The following BRD4 variants were observed in gnomAD, a reference collection of about 807,000 sequenced individuals.
BRD4 encodes bromodomain containing 4, also known as bromodomain-containing protein 4.
In BRD4, 16 loss-of-function variants were observed where a neutral mutation model predicts 142.1. The ratio of observed to expected loss-of-function variants is 0.11; its 90% confidence interval spans 0.08 to 0.17. BRD4 has a LOEUF of 0.17. Ranked by LOEUF, BRD4 falls within the 10% of genes least tolerant of loss-of-function variation. BRD4 has a pLI of 1.00. For missense variants in BRD4, 1,424 were observed against 1,810.9 expected (o/e 0.79, Z 3.88); for synonymous variants, 833 against 707.5 (o/e 1.18, Z -2.82).
Position 15,284,280 on chromosome 19 carries a change from C to T in BRD4, c.-34-11147G>A, listed in dbSNP as rs1182879825. Among the ~76,000 whole-genome samples, 7 of 152,230 alleles carry T rather than the reference C, an allele frequency of 4.6e-5. No homozygotes were observed. The East Asian group carries it at 9.7e-4, about 21-fold the overall frequency. ...AATCTATGGGGATCAGGAGGAGGAA[C>T]GGCATCACTTTTCTTGAAGAAAAGG... On this transcript the variant is annotated intron_variant, in intron 1 of 19. Transcript: ENST00000679869.
intron 1 of BRD4, among the ~76,000 whole-genome samples, chr19:15,325,051 AC>A (rs1044209827): frequency 2.0e-5 from 3 of 151,900 alleles, no homozygotes; most frequent in Non-Finnish European, 2.9e-5. Flanking sequence ...CTCTACTCTG[AC>A]CCCTGGCTTC....
chr19:15,287,692 C>G (rs1466749933), intron 1 of BRD4, among the ~76,000 whole-genome samples: 2 of 152,152 alleles, frequency 1.3e-5, no homozygotes, highest in Non-Finnish European at 2.9e-5. Flanking sequence ...AGTGAAACCA[C>G]AAAGTATTTG....
chr19:15,244,753 G>A lies in BRD4; in HGVS notation c.2168C>T (p.Pro723Leu), dbSNP rs777966382. Residue 723 changes from proline to leucine, a missense_variant, in exon 12 of 20, where the codon CCG (proline) becomes CTG (leucine). Pro to Leu is a moderately conservative substitution (Grantham distance 98, BLOSUM62 -3). Coordinates refer to ENST00000679869, the MANE Select transcript of BRD4 (RefSeq NM_001379291.1). ...GGGGTGCCCCTTCTTTTTTGACTTC[G>A]GAGCCATCTCTGCAGAGGAAAAGAG... ...DSEDSETEMA[P>L]KSKKKGHPGR... is the part of the protein sequence containing the mutation. 7 of 1,613,918 alleles carry A rather than the reference G, an allele frequency of 4.3e-6. No individual in the cohort carries two copies. Among genetic ancestry groups the A allele is most frequent in the South Asian group, 1.1e-5 (1 of 91,078 alleles).
chr19:15,263,047 A>G (rs979463640), intron 7 of BRD4, among the ~76,000 whole-genome samples: 2 of 152,158 alleles, frequency 1.3e-5, no homozygotes, highest in African/African-American at 2.4e-5. Context: ...GGATGTCCAC[A>G]GTGCAGATGT....
intron 1 of BRD4, among the ~76,000 whole-genome samples, chr19:15,312,645 C>T (rs527695068): frequency 1.3e-5 from 2 of 151,424 alleles, no homozygotes; most frequent in African/African-American, 4.9e-5. Flanking sequence ...CAAACAACAA[C>T]CAAAAACAGG....
chr19:15,246,976 T>TTGAG, intron 11 of BRD4: 1 of 179,650 alleles, frequency 5.6e-6, no homozygotes, highest in Middle Eastern at 2.1e-3. Flanking sequence ...AGACAGGAAG[T>TTGAG]GCACAGCTTC....
At chr19:15,300,257 A>AT (rs1272173167) in intron 1 of BRD4, among the ~76,000 whole-genome samples, 1 of 152,084 alleles carries the variant, frequency 6.6e-6, no homozygotes, top group African/African-American at 2.4e-5. Flanking sequence ...AAATAAATAA[A>AT]AACAAATAAA....
At chr19:15,329,277 T>C (rs1204493249) in intron 1 of BRD4, among the ~76,000 whole-genome samples, 6 of 152,148 alleles carry the variant, frequency 3.9e-5, no homozygotes, top group African/African-American at 1.4e-4. Context: ...TTTTACAGAT[T>C]TGCCAGGAAC....
At chr19:15,313,199 GTC>G (rs2047987750) in intron 1 of BRD4, among the ~76,000 whole-genome samples, 1 of 149,132 alleles carries the variant, frequency 6.7e-6, no homozygotes, top group Non-Finnish European at 1.5e-5. Context: ...GTGAAACCCC[GTC>G]TCTCTACTCA....
Position 15,238,638 on chromosome 19 carries a change from G to T in BRD4, c.4020+105C>A. ...GGACCACATGCCGACCAGCAGGGACGGGGCTCCCCCGCTGCCCCTCCCTGT... is the reference window on the plus strand; with the variant it reads ...GGACCACATGCCGACCAGCAGGGACTGGGCTCCCCCGCTGCCCCTCCCTGT... On this transcript the variant is annotated intron_variant, in intron 19 of 19. Coordinates refer to ENST00000679869, the MANE Select transcript of BRD4 (RefSeq NM_001379291.1). The surrounding 1 kb of genome is among the most constrained non-coding windows in gnomAD (Gnocchi z 7.2). 1 of 1,457,490 alleles carries T rather than the reference G, an allele frequency of 6.9e-7. No homozygotes were observed. The highest frequency in any genetic ancestry group is 1.4e-5 in the South Asian group (1 of 68,978). The allele number at this position is 1,457,490 out of a possible 1,614,324, so 90.3% of individuals were successfully genotyped here.
At chr19:15,265,836 G>C (rs557088486) in intron 4 of BRD4, among the ~76,000 whole-genome samples, 193 bp from the exon 5 acceptor site, 1 of 152,222 alleles carries the variant, frequency 6.6e-6, no homozygotes, top group East Asian at 1.9e-4. Context: ...GCAGAAAACC[G>C]CACTTCCCAT....
chr19:15,251,991 C>G (rs1370828744), intron 11 of BRD4, among the ~76,000 whole-genome samples: 1 of 152,246 alleles, frequency 6.6e-6, no homozygotes, highest in Non-Finnish European at 1.5e-5. Flanking sequence ...CTGTAAATCT[C>G]GCCCTCCTTC....
chr19:15,313,373 T>TAAAAAAA (rs33991091), intron 1 of BRD4, among the ~76,000 whole-genome samples: 2 of 99,988 alleles, frequency 2.0e-5, no homozygotes, highest in Admixed American at 2.2e-4. Context: ...ACTCCATCTT[T>TAAAAAAA]AAAAAAAAAA....
intron 4 of BRD4, among the ~76,000 whole-genome samples, chr19:15,267,037 T>G (rs1041405631): frequency 1.3e-5 from 2 of 152,154 alleles, no homozygotes; most frequent in Non-Finnish European, 2.9e-5. Flanking sequence ...AGTTTAGAAC[T>G]GAGATGTTAG....
At chr19:15,328,188 G>C (rs1422997844) in intron 1 of BRD4, among the ~76,000 whole-genome samples, 1 of 151,998 alleles carries the variant, frequency 6.6e-6, no homozygotes, top group Non-Finnish European at 1.5e-5. Flanking sequence ...GTCTTTCCTT[G>C]TACATAGTAA....
At chr19:15,281,201 C>G (rs1599484894) in intron 1 of BRD4, among the ~76,000 whole-genome samples, 1 of 152,266 alleles carries the variant, frequency 6.6e-6, no homozygotes, top group Admixed American at 6.5e-5. Context: ...TCCTCCTTCA[C>G]GCAGTGTGTA....
chr19:15,286,255 C>T (rs1490490377), intron 1 of BRD4, among the ~76,000 whole-genome samples: 5 of 152,194 alleles, frequency 3.3e-5, no homozygotes, highest in African/African-American at 9.7e-5. Context: ...TCCCCTGCAC[C>T]GGCCTAACAT....
At chr19:15,252,324 G>A (rs1046853624) in intron 11 of BRD4, among the ~76,000 whole-genome samples, 6 of 152,298 alleles carry the variant, frequency 3.9e-5, no homozygotes, top group African/African-American at 1.4e-4. Context: ...TAGTTAATCA[G>A]GTCCCCTGAC....
chr19:15,318,304 G>A (rs1372911603), intron 1 of BRD4, among the ~76,000 whole-genome samples: 1 of 152,160 alleles, frequency 6.6e-6, no homozygotes, highest in Non-Finnish European at 1.5e-5. Flanking sequence ...GGGGGGTGAA[G>A]GAGTCTGTAA....
Sources: gnomAD v4.1 joint callset for allele counts (sites outside exome capture counted in the v4.1 genomes callset) on GRCh38, gnomAD v4.1.1 for gene constraint, Gnocchi (gnomAD v3.1) non-coding constraint, MANE v1.5 for transcripts, NCBI Gene and HGNC (gene_info 2026-07-23, HGNC 2026-07-21) for gene names.